SAMD4B: variants seen among roughly 807,000 people sequenced by gnomAD.
The protein encoded by SAMD4B is protein Smaug homolog 2.
SAMD4B carries 5 observed loss-of-function variants against 74.5 expected under a neutral mutation model. The observed-to-expected ratio is 0.07, with a 90% CI of 0.04 to 0.14. SAMD4B has a LOEUF of 0.14. Ranked by LOEUF, SAMD4B falls within the 10% of genes least tolerant of loss-of-function variation. The pLI, the probability that SAMD4B is intolerant of heterozygous loss-of-function variation, is 1.00. For synonymous variants in SAMD4B, 373 were observed against 374.9 expected (o/e 1.00, Z 0.06); for missense variants, 608 against 921.8 (o/e 0.66, Z 4.41).
intron 1 of SAMD4B, among the ~76,000 whole-genome samples, chr19:39,353,078 C>T (rs992955088): frequency 5.9e-5 from 9 of 152,112 alleles, no homozygotes; most frequent in East Asian, 5.8e-4. Flanking sequence ...TGGACAGATG[C>T]GTTATTTTAA....
chr19:39,369,585 G>T, intron 3 of SAMD4B, 70 bp from the exon 4 acceptor site: 1 of 1,223,100 alleles, frequency 8.2e-7, no homozygotes, highest in Non-Finnish European at 1.2e-6. Context: ...TAGGCCATAG[G>T]CAGTGCTCTC....
intron 1 of SAMD4B, among the ~76,000 whole-genome samples, chr19:39,353,448 C>G (rs1415137523): frequency 6.6e-6 from 1 of 151,946 alleles, no homozygotes; most frequent in African/African-American, 2.4e-5. Flanking sequence ...CACATATAGA[C>G]ATAAATATTC....
Position 39,380,994 on chromosome 19 carries a change from T to C in SAMD4B, c.1853T>C (p.Leu618Pro). 6.2e-7 allele frequency: 1 copy of C among 1,607,750 alleles called. No individual in the cohort carries two copies. The highest frequency in any genetic ancestry group is 8.5e-7 in the Non-Finnish European group (1 of 1,177,418). The change falls in exon 12 of 14, where the codon CTG becomes CCG. Residue 618 changes from leucine to proline, a missense_variant. Coordinates refer to ENST00000610417, the MANE Select transcript of SAMD4B (RefSeq NM_001384574.2). The stretch of plus-strand genomic sequence containing the variant: ...CTCTTCCTGGGACCTGTGTAGAACC[T>C]GTGGTTTGCCAACCCTGGAGGCAGC... The part of the protein sequence containing the change: ...PSLGGQGRQN[L>P]WFANPGGSNS...
At chr19:39,345,952 C>T (rs1346383561) in intron 1 of SAMD4B, among the ~76,000 whole-genome samples, 1 of 152,204 alleles carries the variant, frequency 6.6e-6, no homozygotes, top group South Asian at 2.1e-4. Flanking sequence ...TGTGCTGTTT[C>T]CTGATTCTGA....
At chr19:39,346,360 ACAAAGCCTC>A (rs2075701147) in intron 1 of SAMD4B, among the ~76,000 whole-genome samples, 1 of 152,190 alleles carries the variant, frequency 6.6e-6, no homozygotes, top group East Asian at 1.9e-4. Context: ...TGGGTCAAAG[ACAAAGCCTC>A]CTCATCTCTC....
chr19:39,388,797 T>C, downstream of SAMD4B: 1 of 1,614,180 alleles, frequency 6.2e-7, no homozygotes. Context: ...CCAACGCAGC[T>C]GCACCACTCG....
chr19:39,383,639 T>C lies in SAMD4B; in HGVS notation c.*112T>C. 6.2e-7 allele frequency: 1 copy of C among 1,607,622 alleles called. No homozygotes were observed. The highest frequency in any genetic ancestry group is 8.5e-7 in the Non-Finnish European group (1 of 1,177,732). On this transcript the variant is annotated 3_prime_UTR_variant, in exon 14 of 14. Coordinates refer to ENST00000610417, the MANE Select transcript of SAMD4B (RefSeq NM_001384574.2). This position sits in a 1 kb window ranked among gnomAD's most constrained non-coding sequence, Gnocchi z 4.1. Reference sequence around the variant, plus strand: ...GGTGGGCTGGCTCAGCTATATATTCTAATATTTTTCTACTCTCTTACCCTC... The same window carrying C: ...GGTGGGCTGGCTCAGCTATATATTCCAATATTTTTCTACTCTCTTACCCTC...
chr19:39,384,330 G>GC lies in SAMD4B; in HGVS notation c.*806dup, dbSNP rs1166515781. On this transcript the variant is annotated 3_prime_UTR_variant, in exon 14 of 14. Coordinates refer to ENST00000610417, the MANE Select transcript of SAMD4B (RefSeq NM_001384574.2). ...TCAAGCTCTAACCCATTTTCCTCCAGCCCTGGCTACCCGGATGAAGAGGTT... is the reference window on the plus strand; with the variant it reads ...TCAAGCTCTAACCCATTTTCCTCCAGCCCCTGGCTACCCGGATGAAGAGGTT... 1.3e-5 allele frequency: 2 copies of GC among 152,502 alleles called. No individual in the cohort carries two copies. Among genetic ancestry groups the GC allele is most frequent in the East Asian group, 1.9e-4 (1 of 5,156 alleles). 9.4% of individuals were successfully genotyped at this position (152,502 alleles called of 1,614,324 possible). A position where few individuals can be genotyped will look rare whatever the true frequency, so the allele number is the denominator to read the frequency against.
Position 39,377,563 on chromosome 19 carries a change from A to G in SAMD4B, c.1183A>G (p.Ser395Gly), listed in dbSNP as rs199811856. 29 of 1,613,380 alleles carry G rather than the reference A, an allele frequency of 1.8e-5. No homozygotes were observed. Among genetic ancestry groups the G allele is most frequent in the South Asian group, 3.3e-5 (3 of 90,972 alleles). ...CATCATCACTCCCATCAAGGCCTAC[A>G]GTGTCCTCCAGGCCACCGTGGCTGC... is the stretch of plus-strand genomic sequence containing the variant. ...QIIITPIKAY[S>G]VLQATVAAAT... is the part of the protein sequence containing the mutation. Residue 395 changes from serine to glycine, a missense_variant, in exon 8 of 14, where the codon AGT becomes GGT. Ser to Gly is a moderately conservative substitution (Grantham distance 56, BLOSUM62 0). This residue lies in a region of SAMD4B where 99 missense variants were observed against 112.1 expected (regional missense o/e 0.88). Transcript: ENST00000610417.
chr19:39,380,158 G>A, intron 10 of SAMD4B, 74 bp downstream of exon 10: 3 of 1,140,376 alleles, frequency 2.6e-6, no homozygotes, highest in Non-Finnish European at 3.8e-6. Context: ...GCTTAGAGGG[G>A]TGATTGTGTT....
At chr19:39,349,207 A>C (rs975888501) in intron 1 of SAMD4B, among the ~76,000 whole-genome samples, 3 of 152,242 alleles carry the variant, frequency 2.0e-5, no homozygotes, top group African/African-American at 7.2e-5. Context: ...GAAATGGAAG[A>C]AGTCAAAGAT....
intron 1 of SAMD4B, among the ~76,000 whole-genome samples, chr19:39,349,493 A>G (rs928530904): frequency 6.6e-6 from 1 of 152,148 alleles, no homozygotes; most frequent in Non-Finnish European, 1.5e-5. Context: ...CCCCAGCACC[A>G]TTCATACAAA....
chr19:39,386,666 G>A (rs1380471827), downstream of SAMD4B: 2 of 1,598,864 alleles, frequency 1.3e-6, no homozygotes, highest in East Asian at 4.5e-5. This position sits in a 1 kb window ranked among gnomAD's most constrained non-coding sequence, Gnocchi z 6.1. Context: ...CCCTGCCATG[G>A]GTGCCCTGAG....
At chr19:39,390,218 C>T (rs750131636), downstream of SAMD4B, 11 of 1,613,392 alleles carry the variant, frequency 6.8e-6, no homozygotes, top group South Asian at 1.2e-4. Context: ...TGCTCCCAGC[C>T]CCACTGCCCC....
chr19:39,348,773 C>A (rs2145227797), intron 1 of SAMD4B, among the ~76,000 whole-genome samples: 1 of 152,004 alleles, frequency 6.6e-6, no homozygotes, highest in South Asian at 2.1e-4. Flanking sequence ...ATCCATTTGT[C>A]CAGATGAGAA....
rs544451037 is a variant in SAMD4B, at chr19:39,372,705, G to A, written c.667+2580G>A. Among the ~76,000 whole-genome samples the A allele has an allele frequency of 8.5e-5, 13 of 152,222 alleles. No homozygotes were observed. In the South Asian group the frequency reaches 2.5e-3, roughly 29 times the overall value. ...AAGCAGGGCTCCTCAGGAACTGCAC[G>A]ATCATTCCAGTCAGGGTAATTTCCT... is the stretch of plus-strand genomic sequence containing the variant. On this transcript the variant is annotated intron_variant, in intron 4 of 13. Coordinates refer to ENST00000610417, the MANE Select transcript of SAMD4B (RefSeq NM_001384574.2).
At chr19:39,351,525 T>G (rs1275172261) in intron 1 of SAMD4B, 1 of 152,188 alleles carries the variant, frequency 6.6e-6, no homozygotes, top group Non-Finnish European at 1.5e-5. Flanking sequence ...CAAGGCTCTT[T>G]CAGTTTTAAC....
At chr19:39,390,383 G>A, downstream of SAMD4B, 1 of 1,194,500 alleles carries the variant, frequency 8.4e-7, no homozygotes, top group South Asian at 1.3e-5. Context: ...GGTAGGAGGG[G>A]TGACAAATGC....
chr19:39,369,602 A>C, intron 3 of SAMD4B, 53 bp from the exon 4 acceptor site: 4 of 1,455,236 alleles, frequency 2.7e-6, no homozygotes, highest in Non-Finnish European at 3.8e-6. Context: ...TCTCAGGTGA[A>C]TAGGAGTACC....
Sources: gnomAD v4.1 joint callset for allele counts (sites outside exome capture counted in the v4.1 genomes callset) on GRCh38, gnomAD v4.1.1 for gene constraint, gnomAD v4.1.1 regional missense constraint, Gnocchi (gnomAD v3.1) non-coding constraint, MANE v1.5 for transcripts, NCBI Gene and HGNC (gene_info 2026-07-23, HGNC 2026-07-21) for gene names.